The following GJC1 variants were observed in gnomAD, a reference collection of about 807,000 sequenced individuals.
GJC1 encodes gap junction protein gamma 1, also known as gap junction gamma-1 protein.
A neutral mutation model predicts 29.3 loss-of-function variants in GJC1; 5 were observed. That is an observed-to-expected ratio of 0.17 (90% CI 0.09 to 0.36). The LOEUF is 0.36. GJC1 is among the 10% of genes least tolerant of loss of function. The pLI, the probability that GJC1 is intolerant of heterozygous loss-of-function variation, is 1.00. For missense variants in GJC1, 310 were observed against 496.2 expected (o/e 0.62, Z 3.56); for synonymous variants, 177 against 183.3 (o/e 0.97, Z 0.28).
At chr17:44,796,859 A>G (rs906519593), downstream of GJC1, among the ~76,000 whole-genome samples, 2 of 152,130 alleles carry the variant, frequency 1.3e-5, no homozygotes, top group Non-Finnish European at 2.9e-5. Flanking sequence ...AGAGAGACAG[A>G]CAGACAGGGT....
intron 1 of GJC1, among the ~76,000 whole-genome samples, chr17:44,818,677 C>T (rs2050070758): frequency 6.6e-6 from 1 of 151,922 alleles, no homozygotes; most frequent in South Asian, 2.1e-4. Flanking sequence ...CTACTGTAAT[C>T]CCAGCTACTC....
At position 44,804,996 on chromosome 17, in the gene GJC1, A is replaced by C. The variant is rs1262618416; in HGVS notation, c.822T>G (p.Ala274=). Residue 274 remains alanine (A), a synonymous_variant, in exon 3 of 3, where the codon GCT becomes GCG. Transcript: ENST00000592524. ...SKRRELEDPG[A]YNYPFTWNTP... is the part of the protein sequence containing the mutation. The stretch of plus-strand genomic sequence containing the variant: ...TATTCCAAGTGAAAGGATAATTATA[A>C]GCACCCGGATCCTCAAGTTCCCTCC... The C allele has an allele frequency of 1.2e-6, 2 of 1,613,938 alleles. No homozygotes were observed. Among genetic ancestry groups the C allele is most frequent in the African/African-American group, 2.7e-5 (2 of 74,924 alleles).
downstream of GJC1, chr17:44,797,730 A>C (rs946799208): frequency 6.6e-6 from 1 of 152,266 alleles, no homozygotes; most frequent in Non-Finnish European, 1.5e-5. Flanking sequence ...AACAGATTTG[A>C]TGCCACAGGT....
At chr17:44,808,558 C>A (rs1707515931) in intron 1 of GJC1, among the ~76,000 whole-genome samples, 1 of 152,014 alleles carries the variant, frequency 6.6e-6, no homozygotes, top group South Asian at 2.1e-4. Flanking sequence ...TGAGACCAGC[C>A]TGGGCAACAT....
At chr17:44,827,635 T>C (rs1479173371) in intron 1 of GJC1, among the ~76,000 whole-genome samples, 3 of 150,852 alleles carry the variant, frequency 2.0e-5, no homozygotes, top group Non-Finnish European at 4.4e-5. Flanking sequence ...GCAATGTCTT[T>C]GAAAAAAAAA....
chr17:44,798,510 C>CA lies in GJC1; in HGVS notation c.*6116dup, dbSNP rs1229594173. On this transcript the variant is annotated 3_prime_UTR_variant, in exon 3 of 3. Transcript: ENST00000592524. ...TCCTAGAGACAAGGCCCTGAGCACA[C>CA]AGAGTCCGTCTCCACCATGAAAATA... 6.6e-6 allele frequency: 1 copy of CA among 152,214 alleles called. No individual in the cohort carries two copies. Among genetic ancestry groups the CA allele is most frequent in the Non-Finnish European group, 1.5e-5 (1 of 68,040 alleles). 9.4% of individuals were successfully genotyped at this position (152,214 alleles called of 1,614,324 possible). A position where few individuals can be genotyped will look rare whatever the true frequency, so the allele number is the denominator to read the frequency against.
Position 44,830,245 on chromosome 17 carries a change from C to T in GJC1, c.-280G>A, listed in dbSNP as rs1004164061. The T allele has an allele frequency of 2.3e-4, 37 of 160,316 alleles. No homozygotes were observed. Among genetic ancestry groups the T allele is most frequent in the Non-Finnish European group, 4.2e-4 (32 of 75,456 alleles). 9.9% of individuals were successfully genotyped at this position (160,316 alleles called of 1,614,324 possible). ...AAGCCGCTCCCGCCGCTGCCGCCGC[C>T]GCCGCCGCCTCCCGCTCCCGCCGCC... On this transcript the variant is annotated 5_prime_UTR_variant, in exon 1 of 3. Transcript: ENST00000592524. This position sits in a 1 kb window ranked among gnomAD's most constrained non-coding sequence, Gnocchi z 4.3.
chr17:44,813,484 C>CTTTTTTT (rs35299072), intron 1 of GJC1, among the ~76,000 whole-genome samples: 8 of 80,506 alleles, frequency 9.9e-5, no homozygotes, highest in East Asian at 3.9e-4. Flanking sequence ...TTCCAAGTTA[C>CTTTTTTT]TTTTTTTTTT....
intron 1 of GJC1, among the ~76,000 whole-genome samples, chr17:44,815,836 G>A (rs1454087436): frequency 6.6e-6 from 1 of 151,952 alleles, no homozygotes; most frequent in African/African-American, 2.4e-5. Flanking sequence ...GAAAAACTTG[G>A]GGCGCGGTGG....
chr17:44,819,657 CAAAA>C (rs2050085159), intron 1 of GJC1, among the ~76,000 whole-genome samples: 1 of 127,048 alleles, frequency 7.9e-6, no homozygotes, highest in East Asian at 2.4e-4. Context: ...GACTCCGTCT[CAAAA>C]ATAAATAAAT....
intron 1 of GJC1, among the ~76,000 whole-genome samples, chr17:44,819,844 G>A (rs573293998): frequency 3.3e-5 from 5 of 152,000 alleles, no homozygotes; most frequent in African/African-American, 9.6e-5. Flanking sequence ...TGTTATGAAC[G>A]TGGGTGTACA....
At chr17:44,822,218 A>G (rs1031555179) in intron 1 of GJC1, among the ~76,000 whole-genome samples, 31 of 151,156 alleles carry the variant, frequency 2.1e-4, no homozygotes, top group African/African-American at 7.3e-4. Flanking sequence ...AAAAAAAAAA[A>G]AAAAGAAACA....
In GJC1 at chr17:44,800,108, TTTA is replaced by T. The variant is rs1256277058; in HGVS notation, c.*4516_*4518del. On this transcript the variant is annotated 3_prime_UTR_variant, in exon 3 of 3. Coordinates refer to ENST00000592524, the MANE Select transcript of GJC1 (RefSeq NM_005497.4). Reference sequence around the variant, plus strand: ...TTATTTCCAAACTGCATGCAGGGACTTTATTATTACTATGAATTTTTTTTTGAG... The same window carrying T: ...TTATTTCCAAACTGCATGCAGGGACTTTATTACTATGAATTTTTTTTTGAG... The T allele has an allele frequency of 2.6e-5, 4 of 152,168 alleles. No homozygotes were observed. Among genetic ancestry groups the T allele is most frequent in the African/African-American group, 9.7e-5 (4 of 41,446 alleles). 9.4% of individuals were successfully genotyped at this position (152,168 alleles called of 1,614,324 possible). A position where few individuals can be genotyped will look rare whatever the true frequency, so the allele number is the denominator to read the frequency against.
chr17:44,826,477 C>G (rs1466855587), intron 1 of GJC1, among the ~76,000 whole-genome samples: 4 of 149,886 alleles, frequency 2.7e-5, no homozygotes, highest in African/African-American at 7.4e-5. Context: ...TTGTGGTGAG[C>G]AGAGATCACG....
At chr17:44,823,650 G>C (rs1301221873) in intron 1 of GJC1, among the ~76,000 whole-genome samples, 1 of 151,670 alleles carries the variant, frequency 6.6e-6, no homozygotes, top group Admixed American at 6.6e-5. Flanking sequence ...CAATCCTCCT[G>C]CCATGACCTC....
At chr17:44,819,605 C>G (rs2050084182) in intron 1 of GJC1, among the ~76,000 whole-genome samples, 1 of 151,670 alleles carries the variant, frequency 6.6e-6, no homozygotes, top group Non-Finnish European at 1.5e-5. Flanking sequence ...TTGCAGTGAG[C>G]CGAGATCACG....
intron 1 of GJC1, among the ~76,000 whole-genome samples, chr17:44,828,753 TG>T (rs770521441): frequency 6.6e-6 from 1 of 152,160 alleles, no homozygotes; most frequent in East Asian, 1.9e-4. Context: ...TCAGGAGCTC[TG>T]GAAGTAAGGG....
upstream of GJC1, chr17:44,830,322 C>T (rs899583665): frequency 3.4e-4 from 53 of 154,034 alleles, no homozygotes; most frequent in Non-Finnish European, 6.9e-4. The surrounding 1 kb of genome is among the most constrained non-coding windows in gnomAD (Gnocchi z 4.3). Context: ...GGGGCGGGGG[C>T]GTCCCGCCGC....
In GJC1 at chr17:44,829,684, G is replaced by C. The variant is rs543654274; in HGVS notation, c.-97+378C>G. 2.1e-4 allele frequency: 32 copies of C among 152,130 alleles called. No individual in the cohort carries two copies. The East Asian group carries it at 5.9e-3, about 28-fold the overall frequency. The allele number at this position is 152,130 out of a possible 1,614,324, so 9.4% of individuals were successfully genotyped here. ...CTCCGCCCTGCGCCCCTAACCGCCC[G>C]GGTAGTTGTCGGCACCGCCGGGGCG... On this transcript the variant is annotated intron_variant, in intron 1 of 2. Transcript: ENST00000592524.
Sources: gnomAD v4.1 joint callset for allele counts (sites outside exome capture counted in the v4.1 genomes callset) on GRCh38, gnomAD v4.1.1 for gene constraint, Gnocchi (gnomAD v3.1) non-coding constraint, MANE v1.5 for transcripts, NCBI Gene and HGNC (gene_info 2026-07-23, HGNC 2026-07-21) for gene names.